The following OTOG variants were observed in gnomAD, a reference collection of about 807,000 sequenced individuals.
The protein encoded by OTOG is otogelin.
A neutral mutation model predicts 313.8 loss-of-function variants in OTOG; 296 were observed. The ratio of observed to expected loss-of-function variants is 0.94; its 90% CI spans 0.86 to 1.04. The LOEUF (loss-of-function observed/expected upper bound fraction) is 1.04. Ranked by LOEUF, OTOG falls within the 50% of genes least tolerant of loss-of-function variation. The pLI is 0.00. For missense variants in OTOG, 3,948 were observed against 3,840.1 expected (o/e 1.03, Z -0.74); for synonymous variants, 1,533 against 1,554.9 (o/e 0.99, Z 0.33).
chr11:17,615,407 A>C (rs1853694657), intron 39 of OTOG, among the ~76,000 whole-genome samples: 1 of 152,132 alleles, frequency 6.6e-6, no homozygotes. Flanking sequence ...CTGGTGTTGT[A>C]CTTGATGAAC....
chr11:17,634,154 A>C lies in OTOG; in HGVS notation c.7353A>C (p.Gln2451His), dbSNP rs145833172. 322 of 1,549,856 alleles carry C rather than the reference A, an allele frequency of 2.1e-4. No individual in the cohort carries two copies. In the African/African-American group the frequency reaches 4.0e-3, roughly 19 times the overall value. Residue 2451 changes from glutamine to histidine, a missense_variant, in exon 44 of 56, where the codon CAA becomes CAC. Transcript: ENST00000399397. ...GCGGCTGCTGCCAGCACCAGTGCCA[A>C]GCCCCAGACACCATTGTCCCGGTGG... ...SLSGCCQHQC[Q>H]APDTIVPVDL... is the part of the protein sequence containing the mutation.
intron 49 of OTOG, 127 bp from the exon 50 acceptor site, chr11:17,640,618 G>A (rs1847947846): frequency 9.7e-7 from 1 of 1,026,280 alleles, no homozygotes; most frequent in South Asian, 1.6e-5. Flanking sequence ...GGGGCCCCAG[G>A]CCTGCCAGCC....
rs1397660252 is a variant in OTOG, at chr11:17,640,800, G to C, written c.7991G>C (p.Gly2664Ala). Residue 2664 changes from glycine to alanine, a missense_variant, in exon 50 of 56, where the codon GGC (glycine) becomes GCC (alanine). Transcript: ENST00000399397. The part of the protein sequence containing the change: ...EFMHSVENVC[G>A]CAKYECVKAP... ...ATGCACAGCGTGGAGAATGTGTGTG[G>C]CTGCGCCAAGTACGAGTGTGGTGAG... is the stretch of plus-strand genomic sequence containing the variant. 6 of 1,550,190 alleles carry C rather than the reference G, an allele frequency of 3.9e-6. No individual in the cohort carries two copies. The highest frequency in any genetic ancestry group is 5.2e-6 in the Non-Finnish European group (6 of 1,147,012).
In OTOG at chr11:17,576,598, C is replaced by A. The variant is rs750249764; in HGVS notation, c.2529C>A (p.Pro843=). The change falls in exon 21 of 56, where the codon CCC becomes CCA. Residue 843 remains proline, a synonymous_variant. Coordinates refer to ENST00000399397, the MANE Select transcript of OTOG (RefSeq NM_001292063.2). The stretch of plus-strand genomic sequence containing the variant: ...ACTTCCAGGGAGTGGACTATCCCCC[C>A]GGAGACAGTGACATCCCATCCCTGG... The part of the protein sequence containing the change: ...SCHFQGVDYP[P]GDSDIPSLGH... The A allele has an allele frequency of 6.4e-7, 1 of 1,550,528 alleles. No homozygotes were observed.
At chr11:17,605,003 G>A (rs1409059475) in intron 32 of OTOG, among the ~76,000 whole-genome samples, 1 of 152,220 alleles carries the variant, frequency 6.6e-6, no homozygotes, top group Non-Finnish European at 1.5e-5. Context: ...GGCTGAAGAT[G>A]CACCCACCCA....
rs757188953 is a variant in OTOG at position 17,558,316 on chromosome 11, G to T, written c.996+1G>T. Reference sequence around the variant, plus strand: ...ACAGCAGAACCCAGGAACCATGCAGGTCTGGAGCTTGGGGAGAAACTCCCC... The same window carrying T: ...ACAGCAGAACCCAGGAACCATGCAGTTCTGGAGCTTGGGGAGAAACTCCCC... On this transcript the variant is annotated splice_donor_variant, in intron 9 of 55. Coordinates refer to ENST00000399397, the MANE Select transcript of OTOG (RefSeq NM_001292063.2). LOFTEE classifies it high-confidence loss of function. The T allele has an allele frequency of 5.8e-5, 90 of 1,550,582 alleles. No individual in the cohort carries two copies. Among genetic ancestry groups the T allele is most frequent in the Non-Finnish European group, 7.6e-5 (87 of 1,146,952 alleles).
At chr11:17,635,554 G>C in intron 46 of OTOG, 56 bp from the exon 47 acceptor site, 3 of 1,399,986 alleles carry the variant, frequency 2.1e-6, no homozygotes, top group Middle Eastern at 1.8e-4. Context: ...AACGTGCTGT[G>C]TGCCAGGCCC....
rs552445509 is a variant in OTOG at position 17,611,216 on chromosome 11, G to T, written c.5916G>T (p.Arg1972Ser). The T allele has an allele frequency of 4.5e-6, 7 of 1,550,540 alleles. No homozygotes were observed. The highest frequency in any genetic ancestry group is 3.9e-5 in the Admixed American group (2 of 51,010). ...ATGCCCTGAGCCGTGTCTCAGCCAG[G>T]ACGGCCCCCCAAGACAGCATGCTGG... Reference protein sequence around the residue: ...TSYALSRVSARTAPQDSMLVL... With the variant: ...TSYALSRVSASTAPQDSMLVL... Residue 1972 changes from arginine (R) to serine (S), a missense_variant, in exon 36 of 56, where the codon AGG (arginine) becomes AGT (serine). Arg to Ser is a moderately radical substitution (Grantham distance 110). Coordinates refer to ENST00000399397, the MANE Select transcript of OTOG (RefSeq NM_001292063.2).
chr11:17,638,654 TC>T lies in OTOG; in HGVS notation c.7894+109del, dbSNP rs1238478379. 9.5e-6 allele frequency: 14 copies of T among 1,466,348 alleles called. No homozygotes were observed. The African/African-American group carries it at 1.7e-4, about 18-fold the overall frequency. The allele number at this position is 1,466,348 out of a possible 1,614,324, so 90.8% of individuals were successfully genotyped here. On this transcript the variant is annotated intron_variant, in intron 48 of 55. Transcript: ENST00000399397. ...CCACCGTCCACTCCTCTCAGATCTGTCCCCTGCAGGGTCTCTAGAGGAAGCC... is the reference window on the plus strand; with the variant it reads ...CCACCGTCCACTCCTCTCAGATCTGTCCCTGCAGGGTCTCTAGAGGAAGCC...
chr11:17,622,897 T>A (rs979876867), intron 39 of OTOG, among the ~76,000 whole-genome samples: 1 of 152,220 alleles, frequency 6.6e-6, no homozygotes, highest in Non-Finnish European at 1.5e-5. Context: ...GTAGCTCTAT[T>A]TTTAGTGTTT....
chr11:17,618,477 G>A (rs1022531505), intron 39 of OTOG, among the ~76,000 whole-genome samples: 4 of 152,034 alleles, frequency 2.6e-5, no homozygotes, highest in African/African-American at 7.2e-5. Context: ...TTTACATTTA[G>A]TAAGATTTAT....
Position 17,639,432 on chromosome 11 carries a change from G to C in OTOG, c.7904G>C (p.Cys2635Ser). 5 of 1,550,754 alleles carry C rather than the reference G, an allele frequency of 3.2e-6. No homozygotes were observed. The highest frequency in any genetic ancestry group is 4.4e-6 in the Non-Finnish European group (5 of 1,147,034). ...CCCTTGTGTTTTTCAGAATGTGACT[G>C]TGACACAATCCCGGTGCCCCGGTGC... ...CCPYKSCECDCDTIPVPRCHL... is the reference protein window; with the variant it reads ...CCPYKSCECDSDTIPVPRCHL... Residue 2635 changes from cysteine (C) to serine (S), a missense_variant, in exon 49 of 56, where the codon TGT (cysteine) becomes TCT (serine). By Grantham distance (112) the Cys-to-Ser change is moderately radical. Transcript: ENST00000399397.
At chr11:17,593,479 G>A in intron 26 of OTOG, 131 bp from the exon 27 acceptor site, 2 of 1,436,104 alleles carry the variant, frequency 1.4e-6, no homozygotes, top group Non-Finnish European at 1.9e-6. Flanking sequence ...CTTGGCCAGG[G>A]TCAGGAACAC....
intron 27 of OTOG, 145 bp downstream of exon 27, chr11:17,593,901 C>G: frequency 7.2e-7 from 1 of 1,394,960 alleles, no homozygotes; most frequent in Non-Finnish European, 9.7e-7. Flanking sequence ...CCCTTCTCCT[C>G]TGACATTGCT....
rs1311003002 is a variant in OTOG at position 17,629,212 on chromosome 11, T to C, written c.6608T>C (p.Met2203Thr). 1.3e-6 allele frequency: 2 copies of C among 1,550,628 alleles called. No individual in the cohort carries two copies. The change falls in exon 40 of 56, where the codon ATG becomes ACG. Residue 2203 changes from methionine to threonine, a missense_variant. By Grantham distance (81) the Met-to-Thr change is moderately conservative (BLOSUM62 -1). Coordinates refer to ENST00000399397, the MANE Select transcript of OTOG (RefSeq NM_001292063.2). Reference sequence around the variant, plus strand: ...ATTGAGGACACAGGCCACATGTACATGATCCTGACTCCCTCAGACATCCAG... The same window carrying C: ...ATTGAGGACACAGGCCACATGTACACGATCCTGACTCCCTCAGACATCCAG... The part of the protein sequence containing the change: ...FRIEDTGHMY[M>T]ILTPSDIQIQ...
Position 17,559,565 on chromosome 11 carries a change from C to T in OTOG, c.1245C>T (p.Tyr415=). ...TVHCKEKAFT[Y]NECIACCPAS... is the part of the protein sequence containing the mutation. ...ACTGCAAGGAGAAGGCCTTTACCTA[C>T]AATGAGTGCATCGCCTGCTGCCCTG... is the stretch of plus-strand genomic sequence containing the variant. Residue 415 remains tyrosine (Y), a synonymous_variant, in exon 12 of 56, where the codon TAC becomes TAT. Transcript: ENST00000399397. 6.4e-7 allele frequency: 1 copy of T among 1,550,748 alleles called. No individual in the cohort carries two copies. Among genetic ancestry groups the T allele is most frequent in the Non-Finnish European group, 8.7e-7 (1 of 1,147,042 alleles).
intron 36 of OTOG, among the ~76,000 whole-genome samples, chr11:17,611,814 CTG>C (rs3073108): frequency 0.41 from 62,459 of 150,658 alleles, 13,644 homozygotes; most frequent in African/African-American, 0.57. Context: ...TTGTGAGAAA[CTG>C]TGTGTGTGTG....
chr11:17,630,594 G>A (rs1390801846), intron 40 of OTOG, among the ~76,000 whole-genome samples: 2 of 152,204 alleles, frequency 1.3e-5, no homozygotes, highest in Non-Finnish European at 2.9e-5. Context: ...GACAAACTTA[G>A]GGGAGTGCTG....
intron 24 of OTOG, among the ~76,000 whole-genome samples, chr11:17,591,230 C>T (rs1441061444): frequency 1.3e-5 from 2 of 152,096 alleles, no homozygotes; most frequent in Non-Finnish European, 2.9e-5. Context: ...AATGTCAGGC[C>T]CATTATTTAT....
Sources: allele counts gnomAD v4.1 joint callset (sites outside exome capture counted in the v4.1 genomes callset), GRCh38; gene constraint gnomAD v4.1.1; transcripts MANE v1.5; gene names NCBI Gene and HGNC (gene_info 2026-07-23, HGNC 2026-07-21).